LRP1B: variants seen among roughly 807,000 people sequenced by gnomAD.
LRP1B encodes LDL receptor related protein 1B.
In LRP1B, 217 loss-of-function variants were observed where a neutral mutation model predicts 556.6. The ratio of observed to expected loss-of-function variants is 0.39; its 90% CI spans 0.35 to 0.44. The LOEUF (loss-of-function observed/expected upper bound fraction) is 0.44, where lower values mean the gene tolerates loss of function less well. Among genes scored for constraint, LRP1B ranks in the 20% least tolerant of loss-of-function variants. The pLI is 1.00. For synonymous variants in LRP1B, 2,047 were observed against 1,865.8 expected, an observed-to-expected ratio of 1.10 and a Z score of -2.50; for missense variants, 5,053 against 5,620.8, an observed-to-expected ratio of 0.90 and a Z score of 3.23.
chr2:141,684,323 A>C (rs1164285326), intron 2 of LRP1B, among the ~76,000 whole-genome samples: 2 of 152,126 alleles, frequency 1.3e-5, no homozygotes, highest in African/African-American at 2.4e-5. Context: ...TGAAGATGGA[A>C]ACCATCATTC....
intron 7 of LRP1B, among the ~76,000 whole-genome samples, chr2:141,066,921 G>A (rs535969404): frequency 1.6e-4 from 24 of 151,972 alleles, no homozygotes; most frequent in African/African-American, 4.8e-4. Flanking sequence ...AAAAATCATT[G>A]CTATGTTTAG....
chr2:141,241,031 C>G (rs7579397), intron 5 of LRP1B, among the ~76,000 whole-genome samples: 43,402 of 151,864 alleles, frequency 0.29, 6,749 homozygotes, highest in Middle Eastern at 0.46. Flanking sequence ...AGCATAAAAA[C>G]AAAAACCAAA....
At chr2:140,420,558 A>AAC (rs1685394187) in intron 66 of LRP1B, among the ~76,000 whole-genome samples, 1 of 152,232 alleles carries the variant, frequency 6.6e-6, no homozygotes, top group Admixed American at 6.5e-5. Context: ...TAATACATGA[A>AAC]TGCTCATAGC....
At chr2:140,511,292 CTTTTTT>C (rs70985101) in intron 51 of LRP1B, among the ~76,000 whole-genome samples, 21 of 58,456 alleles carry the variant, frequency 3.6e-4, no homozygotes, top group African/African-American at 1.4e-3. Flanking sequence ...CTCTAAGGGT[CTTTTTT>C]TTTTTTTTTT....
intron 2 of LRP1B, among the ~76,000 whole-genome samples, chr2:141,702,489 C>G (rs2028134): frequency 0.36 from 54,196 of 151,570 alleles, 10,228 homozygotes; most frequent in East Asian, 0.59. Context: ...ATAAAACACT[C>G]TGTAAATCCA....
intron 4 of LRP1B, among the ~76,000 whole-genome samples, chr2:141,250,926 C>T (rs2105333805): frequency 6.6e-6 from 1 of 152,246 alleles, no homozygotes; most frequent in African/African-American, 2.4e-5. Flanking sequence ...ATAAGGGTTT[C>T]AATATAGGGA....
intron 83 of LRP1B, among the ~76,000 whole-genome samples, chr2:140,309,417 G>GCTAA (rs1227951432): frequency 6.6e-6 from 1 of 151,796 alleles, no homozygotes; most frequent in Non-Finnish European, 1.5e-5. Context: ...ATATAAGTAA[G>GCTAA]CTAACTTAAG....
At chr2:141,286,328 C>T (rs143796289) in intron 3 of LRP1B, among the ~76,000 whole-genome samples, 273 of 152,068 alleles carry the variant, frequency 1.8e-3, no homozygotes, top group African/African-American at 6.1e-3. Context: ...TAATGTGTTA[C>T]CTTCCTCTGT....
chr2:140,711,779 T>G (rs1266186648), intron 37 of LRP1B, among the ~76,000 whole-genome samples: 1 of 152,126 alleles, frequency 6.6e-6, no homozygotes, highest in Non-Finnish European at 1.5e-5. Context: ...AGCTGTGACT[T>G]TCTTCAATTT....
At chr2:141,383,257 G>A (rs1573882259) in intron 3 of LRP1B, among the ~76,000 whole-genome samples, 2 of 152,134 alleles carry the variant, frequency 1.3e-5, no homozygotes, top group African/African-American at 4.8e-5. Flanking sequence ...CTATACTGTT[G>A]GTGAGAATGT....
intron 41 of LRP1B, among the ~76,000 whole-genome samples, chr2:140,623,903 A>G (rs1039397203): frequency 6.8e-6 from 1 of 147,192 alleles, no homozygotes; most frequent in Non-Finnish European, 1.5e-5. Flanking sequence ...TGGGCAACAC[A>G]GCGAGACTTC....
intron 6 of LRP1B, among the ~76,000 whole-genome samples, chr2:141,204,106 G>A (rs139945342): frequency 1.3e-4 from 20 of 152,114 alleles, no homozygotes; most frequent in South Asian, 6.2e-4. Flanking sequence ...ACACCCTAAC[G>A]TCTTTGCCCA....
chr2:140,285,914 G>A (rs1474935969), intron 84 of LRP1B, among the ~76,000 whole-genome samples: 1 of 151,772 alleles, frequency 6.6e-6, no homozygotes, highest in Non-Finnish European at 1.5e-5. Flanking sequence ...AGTAAGTAAT[G>A]TGTTTTTGCT....
At chr2:141,047,496 C>G (rs948243539) in intron 11 of LRP1B, among the ~76,000 whole-genome samples, 1 of 152,084 alleles carries the variant, frequency 6.6e-6, no homozygotes, top group Non-Finnish European at 1.5e-5. Flanking sequence ...TAGTCTATCT[C>G]TCTGCTTTTA....
At chr2:140,992,584 C>T (rs1345282942) in intron 16 of LRP1B, 1 of 152,106 alleles carries the variant, frequency 6.6e-6, no homozygotes, top group African/African-American at 2.4e-5. Flanking sequence ...TGACTCTTCA[C>T]ACTTAGTTAC....
chr2:141,692,046 C>T (rs1361311915), intron 2 of LRP1B, among the ~76,000 whole-genome samples: 1 of 151,946 alleles, frequency 6.6e-6, no homozygotes, highest in Non-Finnish European at 1.5e-5. Context: ...TCCTGTCAAC[C>T]AGCACATTGT....
chr2:141,384,847 C>T (rs1310159632), intron 3 of LRP1B, among the ~76,000 whole-genome samples: 1 of 152,158 alleles, frequency 6.6e-6, no homozygotes, highest in Non-Finnish European at 1.5e-5. Context: ...GAATGACTCA[C>T]CAGTTCTCCT....
chr2:141,044,284 G>C (rs1489205174), intron 11 of LRP1B, among the ~76,000 whole-genome samples: 3 of 151,602 alleles, frequency 2.0e-5, no homozygotes, highest in Non-Finnish European at 4.4e-5. Context: ...GTGGATTAAA[G>C]ACTTAAACGT....
chr2:141,023,015 A>C (rs1292142376), intron 11 of LRP1B, among the ~76,000 whole-genome samples: 1 of 151,880 alleles, frequency 6.6e-6, no homozygotes, highest in Non-Finnish European at 1.5e-5. Context: ...TAAGAAAAAA[A>C]AATTCCAGTA....
Sources: gnomAD v4.1 joint callset for allele counts (sites outside exome capture counted in the v4.1 genomes callset) on GRCh38, gnomAD v4.1.1 for gene constraint, MANE v1.5 for transcripts, NCBI Gene and HGNC (gene_info 2026-07-23, HGNC 2026-07-21) for gene names.